Variants in SND1 observed in about 807,000 individuals in gnomAD.
SND1 encodes staphylococcal nuclease and tudor domain containing 1.
SND1 carries 38 observed loss-of-function variants against 121.7 expected under a neutral mutation model. The observed-to-expected ratio is 0.31, with a 90% confidence interval of 0.24 to 0.41. The LOEUF (loss-of-function observed/expected upper bound fraction) is 0.41. Among genes scored for constraint, SND1 ranks in the 10% least tolerant of loss-of-function variants. SND1 has a pLI of 1.00. For missense variants in SND1, 868 were observed against 1,184.6 expected, an observed-to-expected ratio of 0.73 and a Z score of 3.92; for synonymous variants, 401 against 447.4, an observed-to-expected ratio of 0.90 and a Z score of 1.31.
chr7:127,980,109 C>CTT lies in SND1; in HGVS notation c.1670-10818_1670-10817dup, dbSNP rs1049614462. Among the ~76,000 whole-genome samples, 48 of 58,642 alleles carry CTT rather than the reference C, an allele frequency of 8.2e-4. 1 individual carries two copies. The highest frequency in any genetic ancestry group is 2.4e-3 in the East Asian group (9 of 3,746). 38.5% of individuals were successfully genotyped at this position (58,642 alleles called of 152,430 possible). On this transcript the variant is annotated intron_variant, in intron 15 of 23. Coordinates refer to ENST00000354725, the MANE Select transcript of SND1 (RefSeq NM_014390.4). ...TATTTTATTTTATTTTATTCTTTTT[C>CTT]TTTTTTTTTTTTTTTTTTTTTGAGA...
At chr7:128,081,607 G>A in intron 18 of SND1, 106 bp downstream of exon 18, 1 of 1,341,300 alleles carries the variant, frequency 7.5e-7, no homozygotes. Context: ...TGCCTAGGCA[G>A]TCCAGGAGCC....
chr7:128,005,768 T>C (rs114497719), intron 16 of SND1, among the ~76,000 whole-genome samples: 2 of 152,116 alleles, frequency 1.3e-5, no homozygotes, highest in Non-Finnish European at 2.9e-5. Flanking sequence ...TGGAGCCTGG[T>C]CTCCAACTCC....
chr7:128,002,150 CT>C (rs1205463300), intron 16 of SND1, among the ~76,000 whole-genome samples: 16 of 152,226 alleles, frequency 1.1e-4, no homozygotes, highest in Admixed American at 7.2e-4. Flanking sequence ...TATGCTACCC[CT>C]ATTCGGGTTG....
At chr7:127,775,105 A>T (rs567474754) in intron 10 of SND1, among the ~76,000 whole-genome samples, 108 of 152,344 alleles carry the variant, frequency 7.1e-4, no homozygotes, top group Non-Finnish European at 1.1e-3. Context: ...AGAGCATGTG[A>T]TAATGGAGGA....
chr7:127,882,065 C>A (rs1261258852), intron 12 of SND1, among the ~76,000 whole-genome samples: 3 of 151,854 alleles, frequency 2.0e-5, no homozygotes, highest in Non-Finnish European at 4.4e-5. Flanking sequence ...CCATCCTGGG[C>A]AATATAGCAA....
At chr7:127,794,008 T>C (rs1295819114) in intron 10 of SND1, among the ~76,000 whole-genome samples, 1 of 152,222 alleles carries the variant, frequency 6.6e-6, no homozygotes, top group Non-Finnish European at 1.5e-5. Flanking sequence ...ATGTCTGTGC[T>C]GTTCATAGTT....
chr7:127,945,894 CACTT>C (rs1801318615), intron 15 of SND1, among the ~76,000 whole-genome samples: 1 of 152,198 alleles, frequency 6.6e-6, no homozygotes, highest in Admixed American at 6.5e-5. Flanking sequence ...AAAGTTAACT[CACTT>C]ACTAAATAAA....
intron 9 of SND1, among the ~76,000 whole-genome samples, chr7:127,717,894 T>G (rs149469797): frequency 6.6e-6 from 1 of 152,188 alleles, no homozygotes; most frequent in Non-Finnish European, 1.5e-5. Flanking sequence ...AGCAGCCCGT[T>G]GCACCCAGTG....
At chr7:127,765,336 A>T (rs982019938) in intron 10 of SND1, among the ~76,000 whole-genome samples, 3 of 152,170 alleles carry the variant, frequency 2.0e-5, no homozygotes, top group African/African-American at 7.2e-5. Context: ...ATTTGTGGTG[A>T]TATGTTAGAA....
intron 3 of SND1, among the ~76,000 whole-genome samples, chr7:127,697,365 G>A (rs955975604): frequency 2.6e-5 from 4 of 152,144 alleles, no homozygotes; most frequent in Admixed American, 6.5e-5. Context: ...TTTTAGAAGT[G>A]GGCCATTTCA....
chr7:127,868,414 G>A (rs1469924403), intron 12 of SND1, among the ~76,000 whole-genome samples: 2 of 152,134 alleles, frequency 1.3e-5, no homozygotes, highest in African/African-American at 4.8e-5. Context: ...AGCACACACA[G>A]CACTAGGTGA....
Position 127,807,846 on chromosome 7 carries a change from C to T in SND1, c.1242+273C>T, listed in dbSNP as rs1008074416. On this transcript the variant is annotated intron_variant, in intron 11 of 23. Coordinates refer to ENST00000354725, the MANE Select transcript of SND1 (RefSeq NM_014390.4). The stretch of plus-strand genomic sequence containing the variant: ...TCCAGTTTTAATAATTGCATATTGC[C>T]CTGAGCTCCATTCAGTTGGCTCTCT... Among the ~76,000 whole-genome samples, 3 of 152,128 alleles carry T rather than the reference C, an allele frequency of 2.0e-5. No homozygotes were observed. In the South Asian group the frequency reaches 6.2e-4, roughly 32 times the overall value.
intron 15 of SND1, among the ~76,000 whole-genome samples, chr7:127,984,768 A>G (rs904155206): frequency 2.0e-4 from 31 of 152,258 alleles, no homozygotes; most frequent in African/African-American, 7.5e-4. Context: ...GAGGGGAGAG[A>G]GCAGAGGAAT....
intron 14 of SND1, among the ~76,000 whole-genome samples, chr7:127,911,991 C>T (rs985886156): frequency 2.5e-4 from 38 of 151,394 alleles, no homozygotes; most frequent in Non-Finnish European, 4.7e-4. Context: ...TCTTTTATTT[C>T]TTTTTTAAGA....
chr7:127,902,648 C>T (rs1306055982), intron 13 of SND1, among the ~76,000 whole-genome samples: 1 of 152,118 alleles, frequency 6.6e-6, no homozygotes, highest in African/African-American at 2.4e-5. Context: ...CTGACCACTA[C>T]CAGGATCCCT....
At chr7:128,003,669 A>G (rs1379211898) in intron 16 of SND1, among the ~76,000 whole-genome samples, 1 of 152,234 alleles carries the variant, frequency 6.6e-6, no homozygotes, top group Non-Finnish European at 1.5e-5. Context: ...TGCTGCAGCC[A>G]TATATGAGGA....
At chr7:127,868,201 G>A (rs1799514781) in intron 12 of SND1, among the ~76,000 whole-genome samples, 1 of 152,144 alleles carries the variant, frequency 6.6e-6, no homozygotes, top group South Asian at 2.1e-4. Context: ...GGTCCAGCTT[G>A]GGCAACATGG....
chr7:127,879,839 G>A lies in SND1; in HGVS notation c.1344-8063G>A, dbSNP rs1192658370. 3.3e-5 allele frequency among the ~76,000 whole-genome samples: 5 copies of A among 152,112 alleles called. No homozygotes were observed. The South Asian group carries it at 8.3e-4, about 25-fold the overall frequency. On this transcript the variant is annotated intron_variant, in intron 12 of 23. Coordinates refer to ENST00000354725, the MANE Select transcript of SND1 (RefSeq NM_014390.4). Reference sequence around the variant, plus strand: ...GTCTCACAGTAAACAGCCATAAGGTGCCTTTTGTGCTGAGTTTATAAGATT... The same window carrying A: ...GTCTCACAGTAAACAGCCATAAGGTACCTTTTGTGCTGAGTTTATAAGATT...
At chr7:127,949,737 G>A (rs1386979794) in intron 15 of SND1, among the ~76,000 whole-genome samples, 4 of 152,164 alleles carry the variant, frequency 2.6e-5, no homozygotes, top group Non-Finnish European at 5.9e-5. Flanking sequence ...TCCCAGCTTG[G>A]ATTTGGCCCC....
Sources: gnomAD v4.1 joint callset for allele counts (sites outside exome capture counted in the v4.1 genomes callset) on GRCh38, gnomAD v4.1.1 for gene constraint, MANE v1.5 for transcripts, NCBI Gene and HGNC (gene_info 2026-07-23, HGNC 2026-07-21) for gene names.